The following ACACA variants were observed in gnomAD, a reference collection of about 807,000 sequenced individuals.
The protein encoded by ACACA is acetyl-CoA carboxylase alpha.
ACACA carries 103 observed loss-of-function variants against 296.1 expected under a neutral mutation model. The observed-to-expected ratio is 0.35, with a 90% confidence interval of 0.30 to 0.41. The LOEUF (loss-of-function observed/expected upper bound fraction) is 0.41, where lower values mean the gene tolerates loss of function less well. Among genes scored for constraint, ACACA ranks in the 10% least tolerant of loss-of-function variants. The pLI, the probability that ACACA is intolerant of heterozygous loss-of-function variation, is 1.00. For synonymous variants in ACACA, 953 were observed against 1,038.6 expected (o/e 0.92, Z 1.58); for missense variants, 1,554 against 2,989.7 (o/e 0.52, Z 11.20).
chr17:37,338,552 G>A (rs1195444311), intron 2 of ACACA, among the ~76,000 whole-genome samples: 1 of 151,566 alleles, frequency 6.6e-6, no homozygotes, highest in Non-Finnish European at 1.5e-5. Flanking sequence ...TACTCAGGAG[G>A]CTGAGGTAAG....
intron 3 of ACACA, among the ~76,000 whole-genome samples, chr17:37,295,480 G>A (rs948623508): frequency 1.3e-5 from 2 of 152,144 alleles, no homozygotes; most frequent in Non-Finnish European, 2.9e-5. Context: ...AACAAAAGCA[G>A]AGACTTAACT....
chr17:37,306,250 C>A (rs1423547564), intron 3 of ACACA, among the ~76,000 whole-genome samples: 1 of 151,976 alleles, frequency 6.6e-6, no homozygotes, highest in Non-Finnish European at 1.5e-5. Context: ...TATTGTATGC[C>A]TTTTGGTTGA....
Position 37,113,200 on chromosome 17 carries a change from G to C in ACACA, c.6340C>G (p.Pro2114Ala). Residue 2114 changes from proline (P) to alanine (A), a missense_variant, in exon 51 of 56, where the codon CCT (proline) becomes GCT (alanine). By Grantham distance (27) the Pro-to-Ala change is conservative. Around this residue, in one of 16 missense-constraint regions of ACACA, gnomAD observed 553 missense variants for 1,043.6 expected, o/e 0.53. Coordinates refer to ENST00000616317, the MANE Select transcript of ACACA (RefSeq NM_198834.3). The surrounding 1 kb of genome is among the most constrained non-coding windows in gnomAD (Gnocchi z 4.0). The part of the protein sequence containing the change: ...IVDGLRECCQ[P>A]VLVYIPPQAE... ...TGGGGAGGAATGTAAACCAGCACAG[G>C]CTGGCAGCACTCCCTCAAGCCATCC... 1 of 1,614,192 alleles carries C rather than the reference G, an allele frequency of 6.2e-7. No individual in the cohort carries two copies. The highest frequency in any genetic ancestry group is 8.5e-7 in the Non-Finnish European group (1 of 1,180,022).
At chr17:37,267,761 CTTCT>C (rs1465023082) in intron 10 of ACACA, among the ~76,000 whole-genome samples, 3 of 129,464 alleles carry the variant, frequency 2.3e-5, no homozygotes, top group South Asian at 2.3e-4. Flanking sequence ...TCTTCTTCTT[CTTCT>C]TTTTTTTTTT....
intron 1 of ACACA, among the ~76,000 whole-genome samples, chr17:37,403,048 T>G (rs369781863): frequency 5.3e-5 from 8 of 152,314 alleles, no homozygotes; most frequent in African/African-American, 1.9e-4. Flanking sequence ...GCACTGAGGT[T>G]ACAAAGACAA....
Position 37,151,197 on chromosome 17 carries a change from C to T in ACACA, c.5568+104G>A, listed in dbSNP as rs2076024951. 3 of 1,319,240 alleles carry T rather than the reference C, an allele frequency of 2.3e-6. No homozygotes were observed. In the East Asian group the frequency reaches 7.0e-5, roughly 31 times the overall value. 81.7% of individuals were successfully genotyped at this position (1,319,240 alleles called of 1,614,324 possible). A position where few individuals can be genotyped will look rare whatever the true frequency, so the allele number is the denominator to read the frequency against. On this transcript the variant is annotated intron_variant, in intron 44 of 55. Coordinates refer to ENST00000616317, the MANE Select transcript of ACACA (RefSeq NM_198834.3). ...AATATAATTATAGACATACAATCTT[C>T]AAGAAATGCTCTCATTTGGGACTGA...
chr17:37,283,611 T>G (rs1052669265), intron 4 of ACACA, among the ~76,000 whole-genome samples: 3 of 152,230 alleles, frequency 2.0e-5, no homozygotes, highest in Middle Eastern at 3.2e-3. Context: ...AGCAAATACT[T>G]GAGTATGTGC....
intron 50 of ACACA, among the ~76,000 whole-genome samples, chr17:37,118,416 T>C (rs568188611): frequency 3.9e-5 from 6 of 152,318 alleles, no homozygotes; most frequent in African/African-American, 1.4e-4. Flanking sequence ...TGATAAATAT[T>C]ATGTATATTT....
chr17:37,121,757 T>C (rs2143014687), intron 49 of ACACA, among the ~76,000 whole-genome samples: 1 of 152,332 alleles, frequency 6.6e-6, no homozygotes, highest in East Asian at 1.9e-4. Context: ...ACCCTTGTTC[T>C]AGGTTTCTCA....
At chr17:37,206,253 A>G (rs1041558252) in intron 32 of ACACA, among the ~76,000 whole-genome samples, 1 of 152,234 alleles carries the variant, frequency 6.6e-6, no homozygotes, top group African/African-American at 2.4e-5. Context: ...ATGTTCCCAC[A>G]TAATATATTT....
intron 9 of ACACA, among the ~76,000 whole-genome samples, chr17:37,272,108 C>T (rs538936125): frequency 6.6e-6 from 1 of 152,230 alleles, no homozygotes; most frequent in South Asian, 2.1e-4. Flanking sequence ...CTTTGGGAGG[C>T]CAAAGTGGGT....
intron 3 of ACACA, among the ~76,000 whole-genome samples, chr17:37,327,370 G>A (rs2047669686): frequency 2.6e-5 from 4 of 152,190 alleles, no homozygotes; most frequent in Admixed American, 2.6e-4. Context: ...TGGATAAACA[G>A]AAAACGTTTT....
chr17:37,382,338 C>T (rs1024041905), intron 1 of ACACA, among the ~76,000 whole-genome samples: 2 of 151,946 alleles, frequency 1.3e-5, no homozygotes, highest in Non-Finnish European at 2.9e-5. Flanking sequence ...CTTTTCTCAC[C>T]CTTTCTTTTT....
chr17:37,316,300 CAT>C (rs1200017037), intron 3 of ACACA, among the ~76,000 whole-genome samples: 1 of 142,760 alleles, frequency 7.0e-6, no homozygotes, highest in Non-Finnish European at 1.5e-5. Flanking sequence ...TCTACCCTTA[CAT>C]ACACACACAC....
At chr17:37,233,927 A>C (rs1378094130) in intron 25 of ACACA, among the ~76,000 whole-genome samples, 1 of 152,208 alleles carries the variant, frequency 6.6e-6, no homozygotes, top group Non-Finnish European at 1.5e-5. Flanking sequence ...CATATTTTTT[A>C]AAGTGGCTAT....
chr17:37,279,431 G>A (rs2082407746), intron 5 of ACACA, among the ~76,000 whole-genome samples: 1 of 151,984 alleles, frequency 6.6e-6, no homozygotes, highest in East Asian at 1.9e-4. Context: ...TCAGGAGATG[G>A]AGACCATCCT....
intron 23 of ACACA, among the ~76,000 whole-genome samples, chr17:37,240,892 AGTT>A (rs1177132502): frequency 6.6e-6 from 1 of 152,174 alleles, no homozygotes; most frequent in Non-Finnish European, 1.5e-5. Flanking sequence ...AGTATCTTAA[AGTT>A]AAAAGTGTTC....
intron 45 of ACACA, among the ~76,000 whole-genome samples, chr17:37,130,751 G>C (rs2075052284): frequency 6.6e-6 from 1 of 152,024 alleles, no homozygotes; most frequent in African/African-American, 2.4e-5. Flanking sequence ...AGAGGCATAG[G>C]CTACCTCATT....
chr17:37,338,816 T>A (rs2048254081), intron 2 of ACACA, among the ~76,000 whole-genome samples: 1 of 151,880 alleles, frequency 6.6e-6, no homozygotes, highest in Non-Finnish European at 1.5e-5. Flanking sequence ...GGTGGGCACC[T>A]GTAATCCCAG....
Sources: allele counts gnomAD v4.1 joint callset (sites outside exome capture counted in the v4.1 genomes callset), GRCh38; gene constraint gnomAD v4.1.1; regional missense constraint gnomAD v4.1.1; non-coding constraint Gnocchi (gnomAD v3.1); transcripts MANE v1.5; gene names NCBI Gene and HGNC (gene_info 2026-07-23, HGNC 2026-07-21).